RAPGEF4: variants seen among roughly 807,000 people sequenced by gnomAD.
RAPGEF4 encodes Rap guanine nucleotide exchange factor 4, also known as RAP guanine-nucleotide-exchange factor (GEF) 4.
A neutral mutation model predicts 147.9 loss-of-function variants in RAPGEF4; 66 were observed. The observed-to-expected ratio is 0.45, with a 90% CI of 0.37 to 0.55. The LOEUF (loss-of-function observed/expected upper bound fraction) is 0.55. Ranked by LOEUF, RAPGEF4 falls within the 20% of genes least tolerant of loss-of-function variation. The pLI is 0.00. For synonymous variants in RAPGEF4, 419 were observed against 442.7 expected (o/e 0.95, Z 0.67); for missense variants, 1,071 against 1,257.3 (o/e 0.85, Z 2.24).
chr2:172,918,049 G>C lies in RAPGEF4; in HGVS notation c.517+175G>C, dbSNP rs549955506. 1.9e-4 allele frequency: 141 copies of C among 754,232 alleles called. 2 individuals are homozygous for C. Among genetic ancestry groups the C allele is most frequent in the South Asian group, 1.8e-3 (127 of 71,928 alleles). The allele number at this position is 754,232 out of a possible 1,614,324, so 46.7% of individuals were successfully genotyped here. A position where few individuals can be genotyped will look rare whatever the true frequency, so the allele number is the denominator to read the frequency against. ...TATTTTTAAAGAAATGGTTAATATA[G>C]TATTAGTCTGTGGTCTTAGCTGATA... On this transcript the variant is annotated intron_variant, in intron 5 of 30. Coordinates refer to ENST00000397081, the MANE Select transcript of RAPGEF4 (RefSeq NM_007023.4).
At chr2:172,755,433 T>C (rs542753258) in intron 1 of RAPGEF4, among the ~76,000 whole-genome samples, 1 of 152,298 alleles carries the variant, frequency 6.6e-6, no homozygotes, top group African/African-American at 2.4e-5. Context: ...GCACTCTTGT[T>C]GCCCAGGCTG....
At chr2:172,988,574 G>A (rs1042086102) in intron 13 of RAPGEF4, 119 bp from the exon 14 acceptor site, 24 of 1,225,550 alleles carry the variant, frequency 2.0e-5, no homozygotes, top group African/African-American at 1.5e-4. Flanking sequence ...CTTTGGCATC[G>A]CTAGGTACAG....
intron 4 of RAPGEF4, among the ~76,000 whole-genome samples, chr2:172,889,543 A>G (rs879882726): frequency 1.3e-5 from 2 of 152,114 alleles, no homozygotes; most frequent in Non-Finnish European, 2.9e-5. Flanking sequence ...CATTTCTTCT[A>G]GTAATTCCCA....
Position 172,740,903 on chromosome 2 carries a change from T to C in RAPGEF4, c.65+4855T>C, listed in dbSNP as rs555740916. On this transcript the variant is annotated intron_variant, in intron 1 of 30. Coordinates refer to ENST00000397081, the MANE Select transcript of RAPGEF4 (RefSeq NM_007023.4). ...TTTATTAATTTGACAATAAGATCTG[T>C]CACATCAGAGAAGTGGACACTCACG... Among the ~76,000 whole-genome samples the C allele has an allele frequency of 2.6e-5, 4 of 152,356 alleles. No homozygotes were observed. The South Asian group carries it at 8.3e-4, about 32-fold the overall frequency.
chr2:172,784,411 A>G (rs987569042), intron 1 of RAPGEF4, among the ~76,000 whole-genome samples: 2 of 151,860 alleles, frequency 1.3e-5, no homozygotes, highest in African/African-American at 4.8e-5. Context: ...CCAGCTACTC[A>G]GGAGGCTGAG....
intron 17 of RAPGEF4, among the ~76,000 whole-genome samples, chr2:173,008,527 G>T (rs1284962868): frequency 6.6e-6 from 1 of 152,162 alleles, no homozygotes; most frequent in African/African-American, 2.4e-5. Flanking sequence ...TGCAAGCAGA[G>T]ATCTTGTATG....
intron 4 of RAPGEF4, among the ~76,000 whole-genome samples, chr2:172,851,775 A>G (rs1021420131): frequency 2.6e-5 from 4 of 152,160 alleles, no homozygotes; most frequent in Admixed American, 2.0e-4. Context: ...GAAGGGAACA[A>G]TAGACACCAG....
In RAPGEF4 at chr2:173,042,923, A is replaced by G. The variant is rs1458461154; in HGVS notation, c.2854-5677A>G. On this transcript the variant is annotated intron_variant, in intron 29 of 30. Transcript: ENST00000397081. The surrounding 1 kb of genome is among the most constrained non-coding windows in gnomAD (Gnocchi z 4.2). ...ACACATGCGTATCTGCATGTCATACACCTCTTGGATACTAAAGATCTGTAG... is the reference window on the plus strand; with the variant it reads ...ACACATGCGTATCTGCATGTCATACGCCTCTTGGATACTAAAGATCTGTAG... 6.6e-6 allele frequency among the ~76,000 whole-genome samples: 1 copy of G among 152,192 alleles called. No homozygotes were observed. The highest frequency in any genetic ancestry group is 1.5e-5 in the Non-Finnish European group (1 of 68,028).
chr2:173,040,517 G>A (rs1053194351), intron 29 of RAPGEF4, among the ~76,000 whole-genome samples: 1 of 152,170 alleles, frequency 6.6e-6, no homozygotes, highest in African/African-American at 2.4e-5. Flanking sequence ...CCCAGAAGGA[G>A]CCCCTGCCAG....
Position 172,971,811 on chromosome 2 carries a change from G to A in RAPGEF4, c.1004+4367G>A, listed in dbSNP as rs368261354. Among the ~76,000 whole-genome samples, 17 of 151,988 alleles carry A rather than the reference G, an allele frequency of 1.1e-4. 1 individual carries two copies. Among genetic ancestry groups the A allele is most frequent in the African/African-American group, 3.6e-4 (15 of 41,404 alleles). The stretch of plus-strand genomic sequence containing the variant: ...AGTTACTATTTAATTTTACTTAAAC[G>A]GAAAGAAAACAAGCTTCGTTGGTCA... On this transcript the variant is annotated intron_variant, in intron 10 of 30. Coordinates refer to ENST00000397081, the MANE Select transcript of RAPGEF4 (RefSeq NM_007023.4).
chr2:172,898,806 A>T (rs1393613537), intron 4 of RAPGEF4, among the ~76,000 whole-genome samples: 2 of 152,124 alleles, frequency 1.3e-5, no homozygotes, highest in Non-Finnish European at 2.9e-5. Context: ...GGAAGGGAGG[A>T]GAGTCCTTTT....
intron 8 of RAPGEF4, among the ~76,000 whole-genome samples, chr2:172,964,857 T>C (rs1472173893): frequency 6.6e-6 from 1 of 152,214 alleles, no homozygotes; most frequent in Non-Finnish European, 1.5e-5. Context: ...CTAACTAATG[T>C]ATGCAGTTTG....
chr2:172,962,683 C>A (rs717524), intron 8 of RAPGEF4, among the ~76,000 whole-genome samples: 55,923 of 151,662 alleles, frequency 0.37, 10,446 homozygotes, highest in East Asian at 0.44. Context: ...TCTTGTTGAC[C>A]GAATTTTGGA....
intron 4 of RAPGEF4, among the ~76,000 whole-genome samples, chr2:172,914,539 C>T (rs567174059): frequency 6.7e-6 from 1 of 148,570 alleles, no homozygotes; most frequent in East Asian, 2.0e-4. Context: ...TAGTCACTGG[C>T]CACTGAATAT....
intron 4 of RAPGEF4, among the ~76,000 whole-genome samples, chr2:172,858,989 A>T (rs1214461404): frequency 1.0e-5 from 1 of 100,272 alleles, no homozygotes; most frequent in African/African-American, 2.9e-5. Flanking sequence ...AGAAATGCAG[A>T]TGTCATTAGG....
At chr2:173,043,470 C>T (rs1239966519) in intron 29 of RAPGEF4, among the ~76,000 whole-genome samples, 1 of 152,138 alleles carries the variant, frequency 6.6e-6, no homozygotes, top group East Asian at 1.9e-4. Context: ...GCGGGAGGTC[C>T]TAGAGTGGTA....
chr2:173,010,256 TA>T (rs1423455673), intron 17 of RAPGEF4, among the ~76,000 whole-genome samples: 1 of 152,242 alleles, frequency 6.6e-6, no homozygotes, highest in Non-Finnish European at 1.5e-5. Context: ...TAATGGTGTT[TA>T]AAATACTAAT....
chr2:172,918,386 C>CACACACACACACAA (rs1684332244), intron 5 of RAPGEF4, among the ~76,000 whole-genome samples: 1 of 150,432 alleles, frequency 6.6e-6, no homozygotes, highest in Admixed American at 6.6e-5. Context: ...CACACACACA[C>CACACACACACACAA]ACACACACAC....
At chr2:173,036,258 G>T in intron 28 of RAPGEF4, 46 bp downstream of exon 28, 1 of 1,415,106 alleles carries the variant, frequency 7.1e-7, no homozygotes, top group South Asian at 1.2e-5. Context: ...TGAGTATTTG[G>T]GGAGGGAAAT....
Sources: gnomAD v4.1 joint callset for allele counts (sites outside exome capture counted in the v4.1 genomes callset) on GRCh38, gnomAD v4.1.1 for gene constraint, Gnocchi (gnomAD v3.1) non-coding constraint, MANE v1.5 for transcripts, NCBI Gene and HGNC (gene_info 2026-07-23, HGNC 2026-07-21) for gene names.